LRRC4C: variants seen among roughly 807,000 people sequenced by gnomAD.
LRRC4C encodes leucine-rich repeat-containing protein 4C.
A neutral mutation model predicts 33.6 loss-of-function variants in LRRC4C; 5 were observed. That is an observed-to-expected ratio of 0.15 (90% confidence interval 0.08 to 0.31). The LOEUF is 0.31. Ranked by LOEUF, LRRC4C falls within the 10% of genes least tolerant of loss-of-function variation. The probability of loss-of-function intolerance (pLI) is 1.00; values close to 1 mark genes in which losing one functional copy is unlikely to be tolerated. For missense variants in LRRC4C, 560 were observed against 796.7 expected (o/e 0.70, Z 3.58); for synonymous variants, 329 against 302.0 (o/e 1.09, Z -0.93).
chr11:40,128,739 C>T (rs879240560), intron 6 of LRRC4C, among the ~76,000 whole-genome samples: 3 of 152,008 alleles, frequency 2.0e-5, no homozygotes, highest in Non-Finnish European at 2.9e-5. Flanking sequence ...GCCTTGTTCC[C>T]GCCTCAGGAC....
chr11:40,977,092 T>C (rs1467888396), intron 1 of LRRC4C, among the ~76,000 whole-genome samples: 2 of 152,090 alleles, frequency 1.3e-5, no homozygotes, highest in Non-Finnish European at 2.9e-5. Context: ...AAAACCTAGA[T>C]TGCTGATATG....
intron 2 of LRRC4C, among the ~76,000 whole-genome samples, chr11:40,656,670 A>G (rs1260970897): frequency 6.6e-6 from 1 of 152,208 alleles, no homozygotes; most frequent in Non-Finnish European, 1.5e-5. Flanking sequence ...GAAGTTGTGT[A>G]CTATGTAAAC....
At chr11:40,996,382 GA>G (rs1026314066) in intron 1 of LRRC4C, among the ~76,000 whole-genome samples, 2 of 151,878 alleles carry the variant, frequency 1.3e-5, no homozygotes, top group Non-Finnish European at 2.9e-5. Flanking sequence ...AAACTAATGA[GA>G]AAAAAATTGT....
chr11:40,420,082 A>G (rs1224732729), intron 3 of LRRC4C, among the ~76,000 whole-genome samples: 2 of 152,234 alleles, frequency 1.3e-5, no homozygotes, highest in African/African-American at 4.8e-5. Flanking sequence ...TTATGAATAG[A>G]TGTATTATTA....
chr11:40,209,564 A>C (rs953632653), intron 5 of LRRC4C, among the ~76,000 whole-genome samples: 1 of 152,144 alleles, frequency 6.6e-6, no homozygotes, highest in Non-Finnish European at 1.5e-5. Flanking sequence ...TATTTTTGAG[A>C]TGGAGTCTCG....
At chr11:40,614,061 C>T (rs1961511760) in intron 3 of LRRC4C, among the ~76,000 whole-genome samples, 1 of 151,740 alleles carries the variant, frequency 6.6e-6, no homozygotes, top group African/African-American at 2.4e-5. Flanking sequence ...TGAACATTGG[C>T]TTCAACTTAA....
chr11:40,696,213 A>G (rs771162971), intron 2 of LRRC4C, among the ~76,000 whole-genome samples: 11 of 147,716 alleles, frequency 7.4e-5, no homozygotes, highest in Non-Finnish European at 1.2e-4. Flanking sequence ...TATTATATGT[A>G]TATGAATTAG....
intron 1 of LRRC4C, among the ~76,000 whole-genome samples, chr11:41,224,214 G>C (rs995812825): frequency 1.1e-4 from 17 of 152,296 alleles, no homozygotes; most frequent in African/African-American, 4.1e-4. Flanking sequence ...GGAATCATCT[G>C]TTCTTTTTAC....
At chr11:40,483,590 T>A (rs1220508605) in intron 3 of LRRC4C, among the ~76,000 whole-genome samples, 2 of 151,996 alleles carry the variant, frequency 1.3e-5, no homozygotes, top group Admixed American at 1.3e-4. Flanking sequence ...AGTTGGTGAC[T>A]GATTGCAGGA....
In LRRC4C at chr11:41,425,694, A is replaced by C. The variant is rs1356980818; in HGVS notation, c.-496+33737T>G. Among the ~76,000 whole-genome samples, 12 of 152,254 alleles carry C rather than the reference A, an allele frequency of 7.9e-5. No individual in the cohort carries two copies. In the South Asian group the frequency reaches 2.5e-3, roughly 32 times the overall value. On this transcript the variant is annotated intron_variant, in intron 1 of 6. Coordinates refer to ENST00000528697, the MANE Select transcript of LRRC4C (RefSeq NM_001258419.2). ...TAGCATTTTCATTTTCAAAGTGTTTAACAAATTACTAATTATTTAATTTAC... is the reference window on the plus strand; with the variant it reads ...TAGCATTTTCATTTTCAAAGTGTTTCACAAATTACTAATTATTTAATTTAC...
rs4756634 is a variant in LRRC4C, at chr11:41,123,267, T to C, written c.-495-189544A>G. 9.7e-5 allele frequency among the ~76,000 whole-genome samples: 7 copies of C among 71,960 alleles called. 1 individual carries two copies. Among genetic ancestry groups the C allele is most frequent in the Non-Finnish European group, 1.9e-4 (7 of 37,006 alleles). The allele number at this position is 71,960 out of a possible 152,430, so 47.2% of individuals were successfully genotyped here. A position where few individuals can be genotyped will look rare whatever the true frequency, so the allele number is the denominator to read the frequency against. On this transcript the variant is annotated intron_variant, in intron 1 of 6. Coordinates refer to ENST00000528697, the MANE Select transcript of LRRC4C (RefSeq NM_001258419.2). The stretch of plus-strand genomic sequence containing the variant: ...CTATCCTGAGCTATGTTTTGTTTTT[T>C]TTTTTTTTTTTTTTTTTTTTTTTGA...
At chr11:41,170,883 A>G (rs943260519) in intron 1 of LRRC4C, among the ~76,000 whole-genome samples, 3 of 152,234 alleles carry the variant, frequency 2.0e-5, no homozygotes, top group African/African-American at 7.2e-5. Context: ...TCCACAATCT[A>G]CAATGAACTC....
chr11:40,203,000 T>C (rs1372904712), intron 5 of LRRC4C, among the ~76,000 whole-genome samples: 1 of 152,204 alleles, frequency 6.6e-6, no homozygotes, highest in Admixed American at 6.5e-5. Flanking sequence ...TGCAAATCAT[T>C]CTAAAAATAA....
At chr11:40,591,425 A>G (rs149295245) in intron 3 of LRRC4C, among the ~76,000 whole-genome samples, 2,568 of 152,222 alleles carry the variant, frequency 0.017, 91 homozygotes, top group African/African-American at 0.058. Flanking sequence ...GGAAATGCAG[A>G]AATCACCCGT....
chr11:41,182,545 T>C (rs577658958), intron 1 of LRRC4C, among the ~76,000 whole-genome samples: 2 of 152,312 alleles, frequency 1.3e-5, no homozygotes, highest in East Asian at 1.9e-4. Flanking sequence ...TATTGTTATA[T>C]TATTGATAAT....
intron 1 of LRRC4C, among the ~76,000 whole-genome samples, chr11:40,935,816 C>G (rs921393211): frequency 6.6e-6 from 1 of 151,224 alleles, no homozygotes; most frequent in African/African-American, 2.4e-5. Flanking sequence ...AGTTCATTCT[C>G]TTGATTTAAG....
intron 1 of LRRC4C, among the ~76,000 whole-genome samples, chr11:41,217,884 T>C (rs1202945073): frequency 6.6e-6 from 1 of 152,166 alleles, no homozygotes; most frequent in Non-Finnish European, 1.5e-5. Flanking sequence ...AATAGAATAG[T>C]ATGCAACCAT....
intron 3 of LRRC4C, among the ~76,000 whole-genome samples, chr11:40,518,319 A>G (rs145104475): frequency 0.065 from 9,834 of 152,294 alleles, 830 homozygotes; most frequent in African/African-American, 0.2. Context: ...CAGAGTGAAC[A>G]GGCAACCTAC....
intron 3 of LRRC4C, among the ~76,000 whole-genome samples, chr11:40,462,723 G>C (rs188619248): frequency 6.6e-6 from 1 of 152,004 alleles, no homozygotes; most frequent in Non-Finnish European, 1.5e-5. Flanking sequence ...GCAGCAAGGA[G>C]AGCTACTGAC....
Sources: gnomAD v4.1 joint callset for allele counts (sites outside exome capture counted in the v4.1 genomes callset) on GRCh38, gnomAD v4.1.1 for gene constraint, MANE v1.5 for transcripts, NCBI Gene and HGNC (gene_info 2026-07-23, HGNC 2026-07-21) for gene names.